Variants in CAMKK2 observed in about 807,000 individuals in gnomAD.
The protein encoded by CAMKK2 is calcium/calmodulin dependent protein kinase kinase 2.
In CAMKK2, 30 loss-of-function variants were observed where a neutral mutation model predicts 67.2. The ratio of observed to expected loss-of-function variants is 0.45; its 90% CI spans 0.33 to 0.61. The LOEUF (loss-of-function observed/expected upper bound fraction) is 0.61. Among genes scored for constraint, CAMKK2 ranks in the 20% least tolerant of loss-of-function variants. The probability of loss-of-function intolerance (pLI) is 0.02; values close to 1 mark genes in which losing one functional copy is unlikely to be tolerated. For missense variants in CAMKK2, 643 were observed against 802.0 expected (o/e 0.80, Z 2.39); for synonymous variants, 322 against 326.2 (o/e 0.99, Z 0.14).
chr12:121,254,803 G>A (rs894195722), intron 9 of CAMKK2, among the ~76,000 whole-genome samples: 1 of 152,192 alleles, frequency 6.6e-6, no homozygotes, highest in South Asian at 2.1e-4. Context: ...CCCTGATTCT[G>A]CATTTCACAC....
At chr12:121,244,449 G>T (rs894782106) in intron 16 of CAMKK2, 124 bp downstream of exon 16, 1 of 944,846 alleles carries the variant, frequency 1.1e-6, no homozygotes, top group South Asian at 1.6e-5. Flanking sequence ...GCGGTGAGCC[G>T]GGCCACAGCA....
At chr12:121,246,123 T>C (rs993331737) in intron 14 of CAMKK2, among the ~76,000 whole-genome samples, 1 of 150,824 alleles carries the variant, frequency 6.6e-6, no homozygotes, top group Non-Finnish European at 1.5e-5. Flanking sequence ...TGGGCGGGGG[T>C]GTGAAGTAAT....
At chr12:121,295,639 C>T (rs771442090) in intron 1 of CAMKK2, among the ~76,000 whole-genome samples, 27 of 152,180 alleles carry the variant, frequency 1.8e-4, no homozygotes, top group Non-Finnish European at 3.2e-4. Flanking sequence ...ACTCCAAACA[C>T]CAGGCTGGGG....
intron 1 of CAMKK2, among the ~76,000 whole-genome samples, chr12:121,282,797 C>T (rs991511220): frequency 2.6e-5 from 4 of 152,014 alleles, no homozygotes; most frequent in Admixed American, 6.6e-5. Context: ...CTCTGTCCCC[C>T]GGGCTGGAGT....
Position 121,279,173 on chromosome 12 carries a change from C to T in CAMKK2, c.-59-4588G>A, listed in dbSNP as rs1031861606. Among the ~76,000 whole-genome samples, 12 of 152,380 alleles carry T rather than the reference C, an allele frequency of 7.9e-5. No homozygotes were observed. In the South Asian group the frequency reaches 8.3e-4, roughly 11 times the overall value. On this transcript the variant is annotated intron_variant, in intron 1 of 16. Transcript: ENST00000404169. ...CTCCTTGGCAAGCTGGCATCTGGCC[C>T]GGGCCTCCCTCACAGCTCTGACGGA...
rs1889351462 is a variant in CAMKK2, at chr12:121,245,942, G to A, written c.1453-702C>T. On this transcript the variant is annotated intron_variant, in intron 14 of 16. Transcript: ENST00000404169. The surrounding 1 kb of genome is among the most constrained non-coding windows in gnomAD (Gnocchi z 5.8). Reference sequence around the variant, plus strand: ...ATTCAGCCATAAGGAGTGAAGCACTGATCCATGCTACAACACAAACGGACC... The same window carrying A: ...ATTCAGCCATAAGGAGTGAAGCACTAATCCATGCTACAACACAAACGGACC... 6.6e-6 allele frequency among the ~76,000 whole-genome samples: 1 copy of A among 152,216 alleles called. No homozygotes were observed. Among genetic ancestry groups the A allele is most frequent in the African/African-American group, 2.4e-5 (1 of 41,462 alleles).
chr12:121,295,921 A>G (rs1242294197), intron 1 of CAMKK2, among the ~76,000 whole-genome samples: 1 of 151,814 alleles, frequency 6.6e-6, no homozygotes, highest in Admixed American at 6.5e-5. Context: ...GTGGCACCCC[A>G]GGCACAGAGC....
Position 121,253,158 on chromosome 12 carries a change from A to G in CAMKK2, c.1107+115T>C. 2 of 867,506 alleles carry G rather than the reference A, an allele frequency of 2.3e-6. No individual in the cohort carries two copies. The highest frequency in any genetic ancestry group is 3.1e-5 in the South Asian group (2 of 64,322). 53.7% of individuals were successfully genotyped at this position (867,506 alleles called of 1,614,324 possible). A position where few individuals can be genotyped will look rare whatever the true frequency, so the allele number is the denominator to read the frequency against. Reference sequence around the variant, plus strand: ...CCAAGCCTGAAGCCTACCCCTCAGTATCTTGATCCAGGGGATTCACTGTTT... The same window carrying G: ...CCAAGCCTGAAGCCTACCCCTCAGTGTCTTGATCCAGGGGATTCACTGTTT... On this transcript the variant is annotated intron_variant, in intron 10 of 16. Coordinates refer to ENST00000404169, the MANE Select transcript of CAMKK2 (RefSeq NM_001270485.2). The surrounding 1 kb of genome is among the most constrained non-coding windows in gnomAD (Gnocchi z 5.0).
intron 2 of CAMKK2, among the ~76,000 whole-genome samples, chr12:121,271,310 T>C (rs1466241655): frequency 6.7e-6 from 1 of 150,196 alleles, no homozygotes; most frequent in Non-Finnish European, 1.5e-5. Flanking sequence ...CTAGATACAT[T>C]TCTCCAAATT....
At position 121,253,356 on chromosome 12, in the gene CAMKK2, C is replaced by CA; in HGVS notation, c.1023_1024insT (p.Ala342CysfsTer20). The CA allele has an allele frequency of 6.2e-7, 1 of 1,614,142 alleles. No homozygotes were observed. Among genetic ancestry groups the CA allele is most frequent in the Non-Finnish European group, 8.5e-7 (1 of 1,180,016 alleles). The stretch of plus-strand genomic sequence containing the variant: ...GTGCCCACGGTGTTGGAGAGGAGCG[C>CA]GTCACTGCCCTTGAATTCATTGCTC... On this transcript the variant is annotated frameshift_variant, in exon 10 of 17. Transcript: ENST00000404169. LOFTEE classifies it high-confidence loss of function. The surrounding 1 kb of genome is among the most constrained non-coding windows in gnomAD (Gnocchi z 5.0).
chr12:121,250,419 A>C (rs936329373), intron 11 of CAMKK2, among the ~76,000 whole-genome samples: 28 of 152,228 alleles, frequency 1.8e-4, no homozygotes, highest in Admixed American at 1.8e-3. Flanking sequence ...AGCAGCAGTG[A>C]TTTTCAAGGG....
chr12:121,293,666 G>A (rs1265669326), intron 1 of CAMKK2, among the ~76,000 whole-genome samples: 1 of 151,492 alleles, frequency 6.6e-6, no homozygotes. Context: ...GGAAACCCCC[G>A]GCTACTGCAC....
At chr12:121,268,597 C>T (rs1395594241) in intron 5 of CAMKK2, 41 bp downstream of exon 5, 4 of 1,599,122 alleles carry the variant, frequency 2.5e-6, no homozygotes, top group Non-Finnish European at 3.4e-6. Context: ...CCTGTCTTGT[C>T]CCAGCCCCTG....
rs1889287502 is a variant in CAMKK2 at position 121,245,578 on chromosome 12, G to A, written c.1453-338C>T. On this transcript the variant is annotated intron_variant, in intron 14 of 16. Coordinates refer to ENST00000404169, the MANE Select transcript of CAMKK2 (RefSeq NM_001270485.2). The surrounding 1 kb of genome is among the most constrained non-coding windows in gnomAD (Gnocchi z 5.8). Reference sequence around the variant, plus strand: ...TCAGCATCCCCACCCAGAGGGGTCTGGAACTTGGCCTGTGGTCAGCCAGAG... The same window carrying A: ...TCAGCATCCCCACCCAGAGGGGTCTAGAACTTGGCCTGTGGTCAGCCAGAG... Among the ~76,000 whole-genome samples, 1 of 152,114 alleles carries A rather than the reference G, an allele frequency of 6.6e-6. No homozygotes were observed. The highest frequency in any genetic ancestry group is 1.5e-5 in the Non-Finnish European group (1 of 68,022).
chr12:121,264,968 C>CAAAACAA (rs3078971), intron 5 of CAMKK2, among the ~76,000 whole-genome samples: 62,547 of 147,914 alleles, frequency 0.42, 13,835 homozygotes, highest in African/African-American at 0.55. Context: ...GAGACCCTAT[C>CAAAACAA]AAAACAAAAA....
At chr12:121,266,379 C>T (rs1894531672) in intron 5 of CAMKK2, among the ~76,000 whole-genome samples, 1 of 152,160 alleles carries the variant, frequency 6.6e-6, no homozygotes, top group Non-Finnish European at 1.5e-5. Context: ...GCGAAATCCT[C>T]TATTGTCACT....
Position 121,253,202 on chromosome 12 carries a change from T to C in CAMKK2, c.1107+71A>G. ...ACTGTTTAAGCCTGTGTGCGTTGGG[T>C]TTCTGCTGCTTACAATCCAGAAGAC... On this transcript the variant is annotated intron_variant, in intron 10 of 16. Coordinates refer to ENST00000404169, the MANE Select transcript of CAMKK2 (RefSeq NM_001270485.2). The surrounding 1 kb of genome is among the most constrained non-coding windows in gnomAD (Gnocchi z 5.0). 1 of 1,389,018 alleles carries C rather than the reference T, an allele frequency of 7.2e-7. No individual in the cohort carries two copies. The highest frequency in any genetic ancestry group is 1.4e-5 in the African/African-American group (1 of 70,348). The allele number at this position is 1,389,018 out of a possible 1,614,324, so 86.0% of individuals were successfully genotyped here. A position where few individuals can be genotyped will look rare whatever the true frequency, so the allele number is the denominator to read the frequency against.
chr12:121,268,326 T>G (rs1895057350), intron 5 of CAMKK2, among the ~76,000 whole-genome samples: 1 of 152,088 alleles, frequency 6.6e-6, no homozygotes, highest in African/African-American at 2.4e-5. Context: ...TTTAACTTTT[T>G]GAGGAATTGC....
intron 1 of CAMKK2, among the ~76,000 whole-genome samples, chr12:121,287,092 G>C (rs1165997175): frequency 6.6e-6 from 1 of 152,102 alleles, no homozygotes; most frequent in Non-Finnish European, 1.5e-5. Context: ...TTTTGGTAGA[G>C]ATGGGGTTTT....
Sources: allele counts gnomAD v4.1 joint callset (sites outside exome capture counted in the v4.1 genomes callset), GRCh38; gene constraint gnomAD v4.1.1; non-coding constraint Gnocchi (gnomAD v3.1); transcripts MANE v1.5; gene names NCBI Gene and HGNC (gene_info 2026-07-23, HGNC 2026-07-21).